Variants in PATL1 observed in about 807,000 individuals in gnomAD.
PATL1 encodes PAT1 homolog 1, processing body mRNA decay factor.
PATL1 carries 32 observed loss-of-function variants against 100.6 expected under a neutral mutation model. The observed-to-expected ratio is 0.32, with a 90% CI of 0.24 to 0.43. The LOEUF (loss-of-function observed/expected upper bound fraction) is 0.43, where lower values mean the gene tolerates loss of function less well. Ranked by LOEUF, PATL1 falls within the 20% of genes least tolerant of loss-of-function variation. The pLI, the probability that PATL1 is intolerant of heterozygous loss-of-function variation, is 1.00. For missense variants in PATL1, 747 were observed against 949.9 expected (o/e 0.79, Z 2.81); for synonymous variants, 332 against 330.0 (o/e 1.01, Z -0.07).
intron 15 of PATL1, among the ~76,000 whole-genome samples, chr11:59,647,258 A>G (rs1023712197): frequency 2.0e-5 from 3 of 151,494 alleles, no homozygotes; most frequent in African/African-American, 7.3e-5. Flanking sequence ...AAAGGGGACT[A>G]GCTCAGTTGC....
Position 59,657,681 on chromosome 11 carries a change from C to A in PATL1, c.470G>T (p.Arg157Met). 6.2e-7 allele frequency: 1 copy of A among 1,613,534 alleles called. No homozygotes were observed. The highest frequency in any genetic ancestry group is 8.5e-7 in the Non-Finnish European group (1 of 1,179,714). ...VSVLEYALPQ[R>M]PPQGPEDDRD... ...ATCATCTTCTGGACCCTGGGGGGGC[C>A]TCTGAGGCAAAGCATATTCTAATAC... is the stretch of plus-strand genomic sequence containing the variant. Residue 157 changes from arginine (R) to methionine (M), a missense_variant, in exon 5 of 19, where the codon AGG becomes ATG. This residue lies in a region of PATL1 where 183 missense variants were observed against 221.2 expected (regional missense o/e 0.83). Coordinates refer to ENST00000300146, the MANE Select transcript of PATL1 (RefSeq NM_152716.3).
At chr11:59,653,326 A>T (rs1861472952) in intron 9 of PATL1, among the ~76,000 whole-genome samples, 1 of 152,208 alleles carries the variant, frequency 6.6e-6, no homozygotes, top group Non-Finnish European at 1.5e-5. Flanking sequence ...CACTTAAGAC[A>T]ACAAATCGAT....
chr11:59,638,457 A>G (rs749195618), intron 18 of PATL1, 46 bp from the exon 19 acceptor site: 41 of 1,514,058 alleles, frequency 2.7e-5, no homozygotes, highest in Non-Finnish European at 3.7e-5. Context: ...AATGAGTTAA[A>G]ACAGAAGGCA....
intron 2 of PATL1, among the ~76,000 whole-genome samples, chr11:59,662,682 C>G (rs1043863878): frequency 1.3e-5 from 2 of 152,132 alleles, no homozygotes; most frequent in African/African-American, 4.8e-5. Flanking sequence ...AATCTATCAT[C>G]CTGAATTGAG....
At chr11:59,657,460 C>G in intron 5 of PATL1, 70 bp downstream of exon 5, 1 of 1,351,622 alleles carries the variant, frequency 7.4e-7, no homozygotes, top group Non-Finnish European at 9.9e-7. Context: ...CACCCAACAT[C>G]ACCAATTTTC....
At chr11:59,647,559 T>C (rs1434049291) in intron 15 of PATL1, among the ~76,000 whole-genome samples, 195 bp downstream of exon 15, 2 of 152,222 alleles carry the variant, frequency 1.3e-5, no homozygotes, top group East Asian at 1.9e-4. Context: ...TTTAGAAACA[T>C]AGTCTGTTCC....
intron 2 of PATL1, among the ~76,000 whole-genome samples, chr11:59,663,015 A>G (rs1861647053): frequency 6.6e-6 from 1 of 152,162 alleles, no homozygotes; most frequent in East Asian, 1.9e-4. Flanking sequence ...CTTGTAAAAA[A>G]TTATCTGAAG....
chr11:59,657,984 C>G (rs560120792), intron 4 of PATL1, among the ~76,000 whole-genome samples: 1 of 151,330 alleles, frequency 6.6e-6, no homozygotes, highest in Non-Finnish European at 1.5e-5. Context: ...GGCAACACAG[C>G]GAGACTTCAT....
At chr11:59,654,123 A>AC in intron 8 of PATL1, 51 bp from the exon 9 acceptor site, 1 of 1,441,148 alleles carries the variant, frequency 6.9e-7, no homozygotes, top group African/African-American at 1.4e-5. Flanking sequence ...GATGACTTGA[A>AC]ATTTTAAAGA....
intron 15 of PATL1, 70 bp downstream of exon 15, chr11:59,647,683 TA>T (rs1356972888): frequency 2.0e-6 from 3 of 1,489,446 alleles, no homozygotes; most frequent in East Asian, 4.6e-5. Flanking sequence ...GAGAGGAAAA[TA>T]AGTTTGCATT....
chr11:59,666,834 A>T lies in PATL1; in HGVS notation c.127+19T>A. 1.9e-6 allele frequency: 3 copies of T among 1,545,626 alleles called. No individual in the cohort carries two copies. Among genetic ancestry groups the T allele is most frequent in the Non-Finnish European group, 2.6e-6 (3 of 1,145,328 alleles). ...AGCAGGAGGCTAAGATGATATTATAAGCGAAAGATGTCACTTACCAACTGC... is the reference window on the plus strand; with the variant it reads ...AGCAGGAGGCTAAGATGATATTATATGCGAAAGATGTCACTTACCAACTGC... On this transcript the variant is annotated intron_variant, in intron 2 of 18. Transcript: ENST00000300146.
chr11:59,666,252 G>GAATA (rs141762912), intron 2 of PATL1, among the ~76,000 whole-genome samples: 7,372 of 151,900 alleles, frequency 0.049, 379 homozygotes, highest in Admixed American at 0.11. Context: ...TCTCGAAAAA[G>GAATA]AATAAATAAA....
chr11:59,641,477 T>C (rs988639331), intron 16 of PATL1, among the ~76,000 whole-genome samples: 1 of 151,794 alleles, frequency 6.6e-6, no homozygotes, highest in Non-Finnish European at 1.5e-5. Flanking sequence ...TCATGGCCGG[T>C]TGCAGTAGCT....
chr11:59,668,827 A>G, intron 1 of PATL1, 54 bp downstream of exon 1: 4 of 804,294 alleles, frequency 5.0e-6, no homozygotes, highest in Non-Finnish European at 7.5e-6. Context: ...AGAGAGAGTG[A>G]GGGAGAGGGG....
At chr11:59,668,834 G>A (rs1187371868) in intron 1 of PATL1, 47 bp downstream of exon 1, 3 of 1,248,406 alleles carry the variant, frequency 2.4e-6, no homozygotes, top group South Asian at 1.4e-5. Flanking sequence ...GTGAGGGAGA[G>A]GGGCGCGGGA....
Position 59,650,764 on chromosome 11 carries a change from A to G in PATL1, c.1574T>C (p.Ile525Thr), listed in dbSNP as rs1226240307. Residue 525 changes from isoleucine to threonine, a missense_variant, in exon 13 of 19, where the codon ATA becomes ACA. Physicochemically the swap from Ile to Thr is moderately conservative, Grantham distance 89. Transcript: ENST00000300146. Reference protein sequence around the residue: ...VRDKRRKTLVIIEKTYSLLLD... With the variant: ...VRDKRRKTLVTIEKTYSLLLD... ...AAATTCTAAACTTACTTTCTCAATT[A>G]TAACAAGGGTTTTTCTCCTCTTGTC... The G allele has an allele frequency of 2.1e-5, 33 of 1,555,068 alleles. No individual in the cohort carries two copies. Among genetic ancestry groups the G allele is most frequent in the Non-Finnish European group, 2.9e-5 (33 of 1,147,918 alleles).
Position 59,637,550 on chromosome 11 carries a change from A to C in PATL1, c.*840T>G, listed in dbSNP as rs1861209715. 1 of 152,684 alleles carries C rather than the reference A, an allele frequency of 6.5e-6. No homozygotes were observed. Among genetic ancestry groups the C allele is most frequent in the African/African-American group, 2.4e-5 (1 of 41,456 alleles). The allele number at this position is 152,684 out of a possible 1,614,324, so 9.5% of individuals were successfully genotyped here. ...TGAGGATCATCCTGGGTGACTTCGA[A>C]TGCACTTGAGGGGAAAGGCTCAAGT... is the stretch of plus-strand genomic sequence containing the variant. On this transcript the variant is annotated 3_prime_UTR_variant, in exon 19 of 19. Transcript: ENST00000300146.
chr11:59,656,461 A>G, intron 6 of PATL1, 38 bp downstream of exon 6: 2 of 1,523,748 alleles, frequency 1.3e-6, no homozygotes, highest in Non-Finnish European at 1.8e-6. Flanking sequence ...ATCAGAAAAT[A>G]CATACTGCAC....
chr11:59,666,726 G>A, intron 2 of PATL1, 127 bp downstream of exon 2: 1 of 990,650 alleles, frequency 1.0e-6, no homozygotes, highest in Non-Finnish European at 1.4e-6. Flanking sequence ...CTAAGATGAG[G>A]AATAGAAGAA....
Sources: allele counts gnomAD v4.1 joint callset (sites outside exome capture counted in the v4.1 genomes callset), GRCh38; gene constraint gnomAD v4.1.1; regional missense constraint gnomAD v4.1.1; transcripts MANE v1.5; gene names NCBI Gene and HGNC (gene_info 2026-07-23, HGNC 2026-07-21).